The following PRRC2B variants were observed in gnomAD, a reference collection of about 807,000 sequenced individuals.
PRRC2B encodes the protein proline rich coiled-coil 2B.
PRRC2B carries 68 observed loss-of-function variants against 242.3 expected under a neutral mutation model. The observed-to-expected ratio is 0.28, with a 90% CI of 0.23 to 0.34. The LOEUF (loss-of-function observed/expected upper bound fraction) is 0.34, where lower values mean the gene tolerates loss of function less well. PRRC2B is among the 10% of genes least tolerant of loss of function. The pLI is 1.00. For missense variants in PRRC2B, 2,835 were observed against 2,954.8 expected (o/e 0.96, Z 0.94); for synonymous variants, 1,228 against 1,173.6 (o/e 1.05, Z -0.95).
intron 1 of PRRC2B, among the ~76,000 whole-genome samples, chr9:131,386,874 G>A (rs968576989): frequency 1.3e-5 from 2 of 149,646 alleles, no homozygotes; most frequent in East Asian, 2.0e-4. Context: ...TAATTTACAC[G>A]ATCACAAGGT....
rs377535120 is a variant in PRRC2B, at chr9:131,495,725, T to A, written c.6556-15T>A. On this transcript the variant is annotated splice_polypyrimidine_tract_variant and intron_variant, in intron 31 of 31. Coordinates refer to ENST00000683519, the MANE Select transcript of PRRC2B (RefSeq NM_013318.4). ...CGTCAGGGTCACTTTGTTTTTCCCA[T>A]TCATCTGTCCAAAGGCAAAACAACG... 11 of 1,593,186 alleles carry A rather than the reference T, an allele frequency of 6.9e-6. No homozygotes were observed. The African/African-American group carries it at 1.3e-4, about 19-fold the overall frequency.
At chr9:131,377,264 G>A (rs1836698266) in intron 1 of PRRC2B, among the ~76,000 whole-genome samples, 1 of 152,100 alleles carries the variant, frequency 6.6e-6, no homozygotes, top group Non-Finnish European at 1.5e-5. Flanking sequence ...ACTGGCACAC[G>A]CCACCATGCC....
rs1944052271 is a variant in PRRC2B, at chr9:131,487,304, T to G, written c.5984+10T>G. The G allele has an allele frequency of 6.3e-7, 1 of 1,590,394 alleles. No homozygotes were observed. Among genetic ancestry groups the G allele is most frequent in the African/African-American group, 1.3e-5 (1 of 74,452 alleles). On this transcript the variant is annotated intron_variant, in intron 27 of 31. Coordinates refer to ENST00000683519, the MANE Select transcript of PRRC2B (RefSeq NM_013318.4). The surrounding 1 kb of genome is among the most constrained non-coding windows in gnomAD (Gnocchi z 5.3). ...CCTTGCAGCCCTTCAGGTGAGCTCA[T>G]GTACCAGCTTGCGGAGCTGGCAGCT...
intron 1 of PRRC2B, among the ~76,000 whole-genome samples, chr9:131,403,421 G>A (rs565466407): frequency 2.6e-4 from 39 of 151,524 alleles, no homozygotes; most frequent in Middle Eastern, 6.8e-3. Context: ...GCATGATCTC[G>A]GCTCACTGCA....
Position 131,376,777 on chromosome 9 carries a change from C to T in PRRC2B, c.-56+3046C>T, listed in dbSNP as rs140356751. 1.1e-3 allele frequency among the ~76,000 whole-genome samples: 175 copies of T among 152,238 alleles called. 2 individuals are homozygous for T. Among genetic ancestry groups the T allele is most frequent in the Middle Eastern group, 0.01 (3 of 292 alleles). ...ATCCCAGCTACTCAGGAGCCTGACA[C>T]GGGAAGATCACTTGAGGCCACGAGT... On this transcript the variant is annotated intron_variant, in intron 1 of 1. Transcript: ENST00000682525.
rs549145378 is a variant in PRRC2B at position 131,494,894 on chromosome 9, A to T, written c.6555+408A>T. Among the ~76,000 whole-genome samples, 3 of 152,124 alleles carry T rather than the reference A, an allele frequency of 2.0e-5. No homozygotes were observed. The highest frequency in any genetic ancestry group is 7.2e-5 in the African/African-American group (3 of 41,504). ...TCTTGGCTGGGTGGGAGCACAGGTG[A>T]AATTAAGTTTTCCCATTTTATAATG... On this transcript the variant is annotated intron_variant, in intron 31 of 31. Transcript: ENST00000683519. The surrounding 1 kb of genome is among the most constrained non-coding windows in gnomAD (Gnocchi z 4.3).
intron 12 of PRRC2B, among the ~76,000 whole-genome samples, chr9:131,465,584 T>A (rs56323749): frequency 6.6e-6 from 1 of 152,160 alleles, no homozygotes; most frequent in African/African-American, 2.4e-5. Flanking sequence ...GTCACTATTA[T>A]CCTCGCTATC....
At chr9:131,420,493 C>CTTTTTTTTT (rs146073511) in intron 1 of PRRC2B, among the ~76,000 whole-genome samples, 2 of 30,164 alleles carry the variant, frequency 6.6e-5, no homozygotes, top group East Asian at 1.6e-3. Flanking sequence ...TTCTTTCTTT[C>CTTTTTTTTT]TTTTTTTTTT....
At chr9:131,484,597 G>A in intron 23 of PRRC2B, 89 bp from the exon 24 acceptor site, 2 of 1,031,184 alleles carry the variant, frequency 1.9e-6, no homozygotes, top group Non-Finnish European at 2.9e-6. Context: ...GACGAGCCTT[G>A]AGTGTGTTCA....
Position 131,447,834 on chromosome 9 carries a change from G to A in PRRC2B, c.1120+30G>A, listed in dbSNP as rs185476799. The A allele has an allele frequency of 1.4e-3, 2,187 of 1,596,216 alleles. 1 individual carries two copies. Among genetic ancestry groups the A allele is most frequent in the Non-Finnish European group, 1.8e-3 (2,087 of 1,168,644 alleles). On this transcript the variant is annotated intron_variant, in intron 9 of 31. Coordinates refer to ENST00000683519, the MANE Select transcript of PRRC2B (RefSeq NM_013318.4). ...GCAGAGAAGCACGGGTGGTTTAGAC[G>A]GGCAGGACCAAAGTCCATATGTACT...
At position 131,481,311 on chromosome 9, in the gene PRRC2B, C is replaced by CAAAAA. The variant is rs11404767; in HGVS notation, c.4901-398_4901-394dup. 8.9e-3 allele frequency among the ~76,000 whole-genome samples: 686 copies of CAAAAA among 77,302 alleles called. 21 individuals carry two copies. Among genetic ancestry groups the CAAAAA allele is most frequent in the African/African-American group, 0.03 (509 of 16,996 alleles). 50.7% of individuals were successfully genotyped at this position (77,302 alleles called of 152,430 possible). A position where few individuals can be genotyped will look rare whatever the true frequency, so the allele number is the denominator to read the frequency against. On this transcript the variant is annotated intron_variant, in intron 19 of 31. Transcript: ENST00000683519. ...GGGCGACAGAGCAAGACTCCGTCTC[C>CAAAAA]AAAAAAAAAAAAAAAAAAAAAGAAA...
At chr9:131,374,439 A>T (rs981258735) in intron 1 of PRRC2B, among the ~76,000 whole-genome samples, 1 of 152,252 alleles carries the variant, frequency 6.6e-6, no homozygotes, top group Non-Finnish European at 1.5e-5. Flanking sequence ...AATGATATTA[A>T]ATTTTGCTAA....
chr9:131,374,387 CTGTTTA>C (rs1273570901), intron 1 of PRRC2B, among the ~76,000 whole-genome samples: 3 of 152,066 alleles, frequency 2.0e-5, no homozygotes, highest in African/African-American at 4.8e-5. Flanking sequence ...GTGACGCCTT[CTGTTTA>C]TGTTTATCTG....
At chr9:131,407,094 C>T (rs1325563287) in intron 1 of PRRC2B, among the ~76,000 whole-genome samples, 4 of 152,144 alleles carry the variant, frequency 2.6e-5, no homozygotes, top group African/African-American at 9.7e-5. Flanking sequence ...GAGAAAAGGC[C>T]ATTGTAATTC....
At position 131,474,483 on chromosome 9, in the gene PRRC2B, G is replaced by C; in HGVS notation, c.2354G>C (p.Gly785Ala). The C allele has an allele frequency of 6.2e-7, 1 of 1,611,130 alleles. No homozygotes were observed. Among genetic ancestry groups the C allele is most frequent in the South Asian group, 1.1e-5 (1 of 90,964 alleles). The change falls in exon 16 of 32, where the codon GGA (glycine) becomes GCA (alanine). Residue 785 changes from glycine to alanine, a missense_variant. Coordinates refer to ENST00000683519, the MANE Select transcript of PRRC2B (RefSeq NM_013318.4). ...GAAAGCTCTTTCTCTGCCTCACTCG[G>C]AAGGGCAGGGGGCGTAAGTGCTCAG... Reference protein sequence around the residue: ...RNESSFSASLGRAGGVSAQRD... With the variant: ...RNESSFSASLARAGGVSAQRD...
At chr9:131,464,649 G>A in intron 11 of PRRC2B, 114 bp from the exon 12 acceptor site, 1 of 925,462 alleles carries the variant, frequency 1.1e-6, no homozygotes, top group Non-Finnish European at 1.6e-6. Flanking sequence ...CGCCTGTGCT[G>A]CCTCTTGAAG....
At chr9:131,447,878 C>G in intron 9 of PRRC2B, 74 bp downstream of exon 9, 2 of 1,469,656 alleles carry the variant, frequency 1.4e-6, no homozygotes, top group Non-Finnish European at 1.8e-6. Context: ...ATGGAAACCC[C>G]CTGGCACCAC....
In PRRC2B at chr9:131,496,548, C is replaced by G. The variant is rs1182453019; in HGVS notation, c.*674C>G. On this transcript the variant is annotated 3_prime_UTR_variant, in exon 32 of 32. Transcript: ENST00000683519. ...AAAAAGAAAAGGAGGTTCTTGAGGG[C>G]ACCGATTGCGAGCATTCTGGTGCCT... is the stretch of plus-strand genomic sequence containing the variant. The G allele has an allele frequency of 1.3e-5, 2 of 151,602 alleles. No individual in the cohort carries two copies. The highest frequency in any genetic ancestry group is 1.3e-4 in the Admixed American group (2 of 15,174). The allele number at this position is 151,602 out of a possible 1,614,324, so 9.4% of individuals were successfully genotyped here.
chr9:131,413,945 C>T (rs1208476699), intron 1 of PRRC2B, among the ~76,000 whole-genome samples: 1 of 152,208 alleles, frequency 6.6e-6, no homozygotes, highest in African/African-American at 2.4e-5. Context: ...GCTGGGATTA[C>T]AGGCGTAAGC....
Sources: allele counts gnomAD v4.1 joint callset (sites outside exome capture counted in the v4.1 genomes callset), GRCh38; gene constraint gnomAD v4.1.1; non-coding constraint Gnocchi (gnomAD v3.1); transcripts MANE v1.5; gene names NCBI Gene and HGNC (gene_info 2026-07-23, HGNC 2026-07-21).